The following KLF12 variants were observed in gnomAD, a reference collection of about 807,000 sequenced individuals.
KLF12 encodes KLF transcription factor 12, also known as Krueppel-like factor 12.
In KLF12, 9 loss-of-function variants were observed where a neutral mutation model predicts 37.8. The observed-to-expected ratio is 0.24, with a 90% CI of 0.14 to 0.42. KLF12 has a LOEUF of 0.42. Among genes scored for constraint, KLF12 ranks in the 10% least tolerant of loss-of-function variants. The pLI is 1.00. For missense variants in KLF12, 411 were observed against 516.0 expected (o/e 0.80, Z 1.97); for synonymous variants, 208 against 202.1 (o/e 1.03, Z -0.25).
intron 1 of KLF12, among the ~76,000 whole-genome samples, chr13:74,015,267 T>A (rs1593831553): frequency 6.6e-6 from 1 of 152,168 alleles, no homozygotes; most frequent in African/African-American, 2.4e-5. Context: ...CTTTGTGCAA[T>A]TTCTGAAGTC....
the KLF12 span, among the ~76,000 whole-genome samples, chr13:74,246,852 G>T: frequency 6.6e-6 from 1 of 152,226 alleles, no homozygotes. Context: ...GCTAATGACA[G>T]TGGCTCATGG....
chr13:74,228,280 GACTTA>G, the KLF12 span, among the ~76,000 whole-genome samples: 56 of 151,866 alleles, frequency 3.7e-4, no homozygotes, highest in Non-Finnish European at 6.6e-4. Flanking sequence ...AACAATTCAA[GACTTA>G]ACTTGTAAAA....
At chr13:73,957,237 G>A (rs1284171728) in intron 2 of KLF12, among the ~76,000 whole-genome samples, 3 of 151,982 alleles carry the variant, frequency 2.0e-5, no homozygotes, top group African/African-American at 7.3e-5. Flanking sequence ...CTTATAATTT[G>A]CTTCAGAATA....
chr13:73,805,593 G>C (rs1468861334), intron 5 of KLF12, among the ~76,000 whole-genome samples: 1 of 133,846 alleles, frequency 7.5e-6, no homozygotes, highest in East Asian at 2.4e-4. Context: ...CTGGGCAACA[G>C]AGGCACTGTC....
intron 4 of KLF12, chr13:73,844,733 A>C (rs1016636580): frequency 3.9e-5 from 6 of 152,108 alleles, no homozygotes; most frequent in Non-Finnish European, 8.8e-5. Context: ...AAACAACCAT[A>C]TTTACTAGCA....
At chr13:74,082,557 C>A (rs1874979016) in intron 1 of KLF12, among the ~76,000 whole-genome samples, 1 of 152,100 alleles carries the variant, frequency 6.6e-6, no homozygotes, top group South Asian at 2.1e-4. Context: ...CTCCACTATT[C>A]CCCAGATTTT....
Position 73,773,176 on chromosome 13 carries a change from T to C in KLF12, c.807-8176A>G, listed in dbSNP as rs188871500. Among the ~76,000 whole-genome samples, 4 of 152,300 alleles carry C rather than the reference T, an allele frequency of 2.6e-5. No individual in the cohort carries two copies. In the East Asian group the frequency reaches 7.7e-4, roughly 29 times the overall value. On this transcript the variant is annotated intron_variant, in intron 5 of 7. Coordinates refer to ENST00000377669, the MANE Select transcript of KLF12 (RefSeq NM_007249.5). ...CTGAGTATCCTTAGCATATAAATCATAGGTGAGCCCTGAGCTTCATGGAGG... is the reference window on the plus strand; with the variant it reads ...CTGAGTATCCTTAGCATATAAATCACAGGTGAGCCCTGAGCTTCATGGAGG...
chr13:74,184,754 G>A, the KLF12 span, among the ~76,000 whole-genome samples: 2 of 152,156 alleles, frequency 1.3e-5, no homozygotes, highest in Admixed American at 6.5e-5. Flanking sequence ...ACAACCCTCA[G>A]TAATACAATA....
intron 6 of KLF12, among the ~76,000 whole-genome samples, chr13:73,764,171 C>G (rs1406517076): frequency 6.6e-6 from 1 of 152,110 alleles, no homozygotes; most frequent in African/African-American, 2.4e-5. Flanking sequence ...TTCCATTCAT[C>G]TTTGAAGTAA....
At chr13:73,799,048 T>A (rs1018724808) in intron 5 of KLF12, among the ~76,000 whole-genome samples, 11 of 152,178 alleles carry the variant, frequency 7.2e-5, no homozygotes, top group African/African-American at 1.9e-4. Flanking sequence ...AAAGAAAACG[T>A]GGCACATATA....
chr13:73,705,482 A>G (rs1874867399), intron 7 of KLF12, among the ~76,000 whole-genome samples: 1 of 152,196 alleles, frequency 6.6e-6, no homozygotes, highest in African/African-American at 2.4e-5. Context: ...CATGTTGGCC[A>G]GGCTGTTCTA....
chr13:73,847,553 G>A lies in KLF12; in HGVS notation c.124-1180C>T, dbSNP rs538957577. On this transcript the variant is annotated intron_variant, in intron 3 of 7. Transcript: ENST00000377669. ...AAACATACAATAGGCAGTAGCACAC[G>A]GGCATTTTACTCAGCAACTGAGAAA... 4.7e-4 allele frequency among the ~76,000 whole-genome samples: 72 copies of A among 152,126 alleles called. 1 individual carries two copies. The East Asian group carries it at 9.3e-3, about 20-fold the overall frequency.
At chr13:73,911,858 C>A (rs923095145) in intron 3 of KLF12, among the ~76,000 whole-genome samples, 45 of 152,150 alleles carry the variant, frequency 3.0e-4, no homozygotes, top group African/African-American at 1.1e-3. Flanking sequence ...ACCATATAAC[C>A]TTTTCAATAA....
chr13:74,065,224 A>ACACATATG (rs1555268941), intron 1 of KLF12, among the ~76,000 whole-genome samples: 1 of 32,150 alleles, frequency 3.1e-5, no homozygotes, highest in East Asian at 7.0e-3. Flanking sequence ...ACACACACAC[A>ACACATATG]TGTATATATA....
intron 1 of KLF12, among the ~76,000 whole-genome samples, chr13:74,016,892 A>G (rs752281789): frequency 3.9e-5 from 6 of 152,218 alleles, no homozygotes; most frequent in Non-Finnish European, 8.8e-5. Flanking sequence ...ATCATCAGTA[A>G]AATGGATGAA....
chr13:73,964,123 C>A (rs569376540), intron 2 of KLF12, among the ~76,000 whole-genome samples: 2 of 152,116 alleles, frequency 1.3e-5, no homozygotes, highest in Non-Finnish European at 2.9e-5. Context: ...AATTTTATAC[C>A]ATTCATGACC....
intron 5 of KLF12, among the ~76,000 whole-genome samples, chr13:73,811,625 C>A (rs765382319): frequency 6.6e-6 from 1 of 152,106 alleles, no homozygotes; most frequent in African/African-American, 2.4e-5. Flanking sequence ...TGTATCAAAA[C>A]CTTCTCAATA....
intron 5 of KLF12, among the ~76,000 whole-genome samples, chr13:73,784,904 G>A (rs1362881832): frequency 6.6e-6 from 1 of 151,922 alleles, no homozygotes; most frequent in Non-Finnish European, 1.5e-5. Flanking sequence ...CCAAAGTGCT[G>A]AGATTACAGG....
chr13:73,831,201 A>G (rs1023919200), intron 4 of KLF12, among the ~76,000 whole-genome samples: 2 of 152,170 alleles, frequency 1.3e-5, no homozygotes, highest in Non-Finnish European at 2.9e-5. Context: ...CATCAAGCCT[A>G]AGTACAGCAA....
Sources: allele counts gnomAD v4.1 joint callset (sites outside exome capture counted in the v4.1 genomes callset), GRCh38; gene constraint gnomAD v4.1.1; transcripts MANE v1.5; gene names NCBI Gene and HGNC (gene_info 2026-07-23, HGNC 2026-07-21).